Variants in LINGO2 observed in about 807,000 individuals in gnomAD.
LINGO2 encodes leucine rich repeat and Ig domain containing 2.
A neutral mutation model predicts 30.6 loss-of-function variants in LINGO2; 14 were observed. That is an observed-to-expected ratio of 0.46 (90% CI 0.30 to 0.72). The LOEUF (loss-of-function observed/expected upper bound fraction) is 0.72. Among genes scored for constraint, LINGO2 ranks in the 30% least tolerant of loss-of-function variants. LINGO2 has a pLI of 0.07. For missense variants in LINGO2, 729 were observed against 751.7 expected (o/e 0.97, Z 0.35); for synonymous variants, 317 against 288.5 (o/e 1.10, Z -1.00).
At chr9:29,201,364 T>C in the LINGO2 span, among the ~76,000 whole-genome samples, 1 of 152,054 alleles carries the variant, frequency 6.6e-6, no homozygotes, top group Non-Finnish European at 1.5e-5. Context: ...TACAATTTAC[T>C]CACTTTAAAC....
the LINGO2 span, among the ~76,000 whole-genome samples, chr9:29,132,601 G>A: frequency 1.3e-5 from 2 of 152,144 alleles, no homozygotes; most frequent in East Asian, 3.9e-4. Flanking sequence ...ACTTGCTGGA[G>A]CCTTCCCCCA....
At chr9:28,665,408 C>T (rs923211200) in intron 1 of LINGO2, among the ~76,000 whole-genome samples, 2 of 152,034 alleles carry the variant, frequency 1.3e-5, no homozygotes, top group African/African-American at 4.8e-5. Context: ...CACACACACA[C>T]ATGCAAATAA....
At chr9:28,826,509 C>G in the LINGO2 span, among the ~76,000 whole-genome samples, 5 of 152,128 alleles carry the variant, frequency 3.3e-5, no homozygotes, top group East Asian at 9.7e-4. Context: ...GCATCACAGG[C>G]CTGCCAAAAG....
intron 2 of LINGO2, among the ~76,000 whole-genome samples, chr9:28,410,981 A>T (rs879502901): frequency 2.0e-5 from 3 of 152,080 alleles, no homozygotes; most frequent in Non-Finnish European, 4.4e-5. Context: ...CAACGACCAA[A>T]ACTGGCTGAC....
upstream of LINGO2, among the ~76,000 whole-genome samples, chr9:28,671,994 G>T (rs1202708541): frequency 6.6e-6 from 1 of 151,978 alleles, no homozygotes. Context: ...TTCTTATTAT[G>T]TGCTTTGTGT....
At chr9:29,057,259 A>C in the LINGO2 span, among the ~76,000 whole-genome samples, 1 of 152,116 alleles carries the variant, frequency 6.6e-6, no homozygotes, top group African/African-American at 2.4e-5. Context: ...GTGTCATCTA[A>C]AATTATGTAT....
At chr9:28,446,472 T>C (rs1358283209) in intron 2 of LINGO2, among the ~76,000 whole-genome samples, 1 of 152,262 alleles carries the variant, frequency 6.6e-6, no homozygotes, top group Non-Finnish European at 1.5e-5. Flanking sequence ...TGGGCAACTA[T>C]TATACTTAAT....
chr9:28,287,557 G>A (rs1490946129), intron 4 of LINGO2, among the ~76,000 whole-genome samples: 5 of 152,130 alleles, frequency 3.3e-5, no homozygotes, highest in Non-Finnish European at 7.4e-5. Context: ...AGTAAGCTAG[G>A]TTTGCTTTCT....
intron 4 of LINGO2, among the ~76,000 whole-genome samples, chr9:28,274,996 T>C (rs1823066087): frequency 6.6e-6 from 1 of 152,166 alleles, no homozygotes; most frequent in Non-Finnish European, 1.5e-5. Context: ...TCAGTATGAG[T>C]ATCTTCACCT....
chr9:28,056,109 T>G (rs1395876261), intron 4 of LINGO2, among the ~76,000 whole-genome samples: 2 of 152,162 alleles, frequency 1.3e-5, no homozygotes, highest in East Asian at 1.9e-4. Flanking sequence ...AAAGGCAACC[T>G]CTGAGCGTCT....
chr9:28,953,521 T>C, the LINGO2 span, among the ~76,000 whole-genome samples: 2 of 152,082 alleles, frequency 1.3e-5, no homozygotes, highest in Non-Finnish European at 2.9e-5. Context: ...TTATGAAAGA[T>C]AATTATATTT....
At chr9:28,679,346 A>G in the LINGO2 span, among the ~76,000 whole-genome samples, 5 of 152,212 alleles carry the variant, frequency 3.3e-5, no homozygotes, top group African/African-American at 1.2e-4. Context: ...TTATCTTCTA[A>G]TCTTCTAACT....
chr9:29,127,844 G>A, the LINGO2 span, among the ~76,000 whole-genome samples: 2 of 152,094 alleles, frequency 1.3e-5, no homozygotes, highest in Admixed American at 6.6e-5. Context: ...GGGTGAACTT[G>A]CATGTGTTCA....
At chr9:28,491,788 T>C (rs1826406401) in intron 1 of LINGO2, among the ~76,000 whole-genome samples, 9 of 152,070 alleles carry the variant, frequency 5.9e-5, no homozygotes, top group Admixed American at 5.9e-4. Context: ...AATAGTAAAA[T>C]AAATAAAATT....
chr9:28,878,454 T>C, the LINGO2 span, among the ~76,000 whole-genome samples: 9 of 151,936 alleles, frequency 5.9e-5, no homozygotes, highest in Admixed American at 2.0e-4. Flanking sequence ...TTCCAATCAA[T>C]AGAAAAAGAG....
chr9:28,897,453 C>A, the LINGO2 span, among the ~76,000 whole-genome samples: 1 of 152,088 alleles, frequency 6.6e-6, no homozygotes, highest in African/African-American at 2.4e-5. Flanking sequence ...AGGCGATATG[C>A]ACCATTTCTA....
At position 28,004,011 on chromosome 9, in the gene LINGO2, TA is replaced by T. The variant is rs1412810496; in HGVS notation, c.-36+8343del. On this transcript the variant is annotated intron_variant, in intron 5 of 5. Coordinates refer to ENST00000379992, the Ensembl canonical transcript of LINGO2. ...AAAGAGTGAATTTGAACCCACTTAATACATAATTTAACCCAAAGGTGACATG... is the reference window on the plus strand; with the variant it reads ...AAAGAGTGAATTTGAACCCACTTAATCATAATTTAACCCAAAGGTGACATG... Among the ~76,000 whole-genome samples the T allele has an allele frequency of 2.0e-5, 3 of 152,300 alleles. No individual in the cohort carries two copies. The South Asian group carries it at 6.2e-4, about 32-fold the overall frequency.
chr9:27,959,612 T>C (rs1199831488), intron 5 of LINGO2, among the ~76,000 whole-genome samples: 1 of 152,160 alleles, frequency 6.6e-6, no homozygotes, highest in African/African-American at 2.4e-5. Context: ...ATTTCTAATT[T>C]AATTCTGTGA....
intron 1 of LINGO2, among the ~76,000 whole-genome samples, chr9:28,510,414 A>G (rs1311913877): frequency 6.6e-6 from 1 of 152,086 alleles, no homozygotes; most frequent in Non-Finnish European, 1.5e-5. Flanking sequence ...GAAAATCATA[A>G]GGAAGAGAAA....
Sources: allele counts gnomAD v4.1 joint callset (sites outside exome capture counted in the v4.1 genomes callset), GRCh38; gene constraint gnomAD v4.1.1; transcripts MANE v1.5; gene names NCBI Gene and HGNC (gene_info 2026-07-23, HGNC 2026-07-21).